KPNB1: variants seen among roughly 807,000 people sequenced by gnomAD.
KPNB1 encodes importin subunit beta-1.
A neutral mutation model predicts 113.0 loss-of-function variants in KPNB1; 7 were observed. The ratio of observed to expected loss-of-function variants is 0.06; its 90% CI spans 0.04 to 0.12. The LOEUF (loss-of-function observed/expected upper bound fraction) is 0.12. Ranked by LOEUF, KPNB1 falls within the 10% of genes least tolerant of loss-of-function variation. KPNB1 has a pLI of 1.00. For missense variants in KPNB1, 400 were observed against 1,054.8 expected (o/e 0.38, Z 8.60); for synonymous variants, 363 against 378.6 (o/e 0.96, Z 0.48).
At chr17:47,663,677 A>G (rs1306052196) in intron 7 of KPNB1, among the ~76,000 whole-genome samples, 1 of 151,560 alleles carries the variant, frequency 6.6e-6, no homozygotes, top group Admixed American at 6.6e-5. Flanking sequence ...AAGAAAAAAG[A>G]AACAACCTGC....
rs139104799 is a variant in KPNB1 at position 47,655,281 on chromosome 17, C to A, written c.283-1579C>A. Among the ~76,000 whole-genome samples, 388 of 152,260 alleles carry A rather than the reference C, an allele frequency of 2.5e-3. 1 individual carries two copies. The highest frequency in any genetic ancestry group is 9.1e-3 in the African/African-American group (377 of 41,538). ...GCTTCATCTTTTATCATACCTGTGC[C>A]TTTACTCTTTACATAAATGGTGGCG... On this transcript the variant is annotated intron_variant, in intron 3 of 21. Transcript: ENST00000290158.
intron 11 of KPNB1, 64 bp downstream of exon 11, chr17:47,669,933 G>A: frequency 4.1e-6 from 5 of 1,206,858 alleles, no homozygotes; most frequent in Non-Finnish European, 6.0e-6. Flanking sequence ...AAAGTAGAAG[G>A]TGTGGGAGAG....
intron 19 of KPNB1, 40 bp downstream of exon 19, chr17:47,678,453 T>C (rs2030676088): frequency 4.2e-6 from 6 of 1,420,412 alleles, no homozygotes; most frequent in Admixed American, 1.7e-5. Context: ...CGCTCGCCAA[T>C]GTGCACTTAG....
intron 12 of KPNB1, among the ~76,000 whole-genome samples, chr17:47,671,279 AT>A (rs2030437443): frequency 6.6e-6 from 1 of 152,106 alleles, no homozygotes; most frequent in South Asian, 2.1e-4. Context: ...TCCATGATTG[AT>A]TGATTGGTTT....
In KPNB1 at chr17:47,658,678, A is replaced by G. The variant is rs1441801654; in HGVS notation, c.636+18A>G. 11 of 1,608,226 alleles carry G rather than the reference A, an allele frequency of 6.8e-6. No individual in the cohort carries two copies. The highest frequency in any genetic ancestry group is 1.7e-4 in the Middle Eastern group (1 of 6,044). On this transcript the variant is annotated intron_variant, in intron 5 of 21. Transcript: ENST00000290158. ...ATAAAGAGGTAAGTTTTTTGACAAT[A>G]AGGTATAGATTCAGACAGTAAGGGA...
chr17:47,665,536 G>A lies in KPNB1; in HGVS notation c.999+378G>A, dbSNP rs558846134. ...GTTGTAATATCCAGGATACTTTCGT[G>A]AGTTCACAGGGTGTATGTTTTTAAA... is the stretch of plus-strand genomic sequence containing the variant. On this transcript the variant is annotated intron_variant, in intron 9 of 21. Transcript: ENST00000290158. Among the ~76,000 whole-genome samples the A allele has an allele frequency of 2.9e-4, 44 of 152,344 alleles. 1 individual carries two copies. In the South Asian group the frequency reaches 8.5e-3, roughly 29 times the overall value.
intron 3 of KPNB1, among the ~76,000 whole-genome samples, chr17:47,653,629 C>T (rs1254597929): frequency 6.6e-6 from 1 of 152,182 alleles, no homozygotes; most frequent in Non-Finnish European, 1.5e-5. Flanking sequence ...GTGCAGTCAT[C>T]ATTTTGTCCT....
chr17:47,672,958 C>A, intron 12 of KPNB1, 60 bp from the exon 13 acceptor site: 1 of 1,517,172 alleles, frequency 6.6e-7, no homozygotes, highest in Non-Finnish European at 8.9e-7. Context: ...AAGACATTGT[C>A]TATGTTCTTC....
intron 2 of KPNB1, 38 bp downstream of exon 2, chr17:47,650,482 C>G: frequency 1.3e-6 from 2 of 1,579,262 alleles, no homozygotes; most frequent in Non-Finnish European, 1.7e-6. Flanking sequence ...CGCCGCGTCC[C>G]CATCCCCTGC....
chr17:47,680,387 C>A, intron 20 of KPNB1, 121 bp from the exon 21 acceptor site: 1 of 1,170,538 alleles, frequency 8.5e-7, no homozygotes, highest in Non-Finnish European at 1.2e-6. Flanking sequence ...GTGACCTCTA[C>A]TGAGGGTTTT....
At chr17:47,681,053 T>G (rs867004954) in intron 21 of KPNB1, among the ~76,000 whole-genome samples, 25 of 125,514 alleles carry the variant, frequency 2.0e-4, no homozygotes, top group Middle Eastern at 8.0e-3. Context: ...TCAAATGTTT[T>G]TTTGTGTGTG....
chr17:47,671,619 ACCT>A (rs2143151786), intron 12 of KPNB1: 1 of 151,816 alleles, frequency 6.6e-6, no homozygotes, highest in Non-Finnish European at 1.5e-5. Context: ...GCTCACTGCA[ACCT>A]CCTCAAGCGA....
At position 47,680,495 on chromosome 17, in the gene KPNB1, T is replaced by G. The variant is rs776750169; in HGVS notation, c.2469-13T>G. The G allele has an allele frequency of 7.4e-6, 12 of 1,613,724 alleles. No individual in the cohort carries two copies. The East Asian group carries it at 2.2e-4, about 30-fold the overall frequency. ...GCTAGGAGCTCATTCTCAGCTGTGT[T>G]TGTTTTGCACAGGGACTTATGTACA... is the stretch of plus-strand genomic sequence containing the variant. On this transcript the variant is annotated splice_polypyrimidine_tract_variant and intron_variant, in intron 20 of 21. Transcript: ENST00000290158.
intron 13 of KPNB1, 149 bp downstream of exon 13, chr17:47,673,314 C>G: frequency 1.1e-6 from 1 of 940,550 alleles, no homozygotes; most frequent in Admixed American, 2.6e-5. Context: ...AACATTGCAC[C>G]TTAACGTTAG....
intron 2 of KPNB1, 109 bp downstream of exon 2, chr17:47,650,553 C>T (rs1401871237): frequency 4.9e-6 from 4 of 812,500 alleles, no homozygotes; most frequent in Admixed American, 2.2e-5. Flanking sequence ...CGCCCCATCC[C>T]GTCCCCCTCC....
intron 3 of KPNB1, among the ~76,000 whole-genome samples, chr17:47,654,699 A>G (rs1915672544): frequency 2.0e-5 from 3 of 152,300 alleles, no homozygotes; most frequent in South Asian, 2.1e-4. Flanking sequence ...TTTCTAAATC[A>G]CCTCAAGTAA....
At chr17:47,675,051 T>C (rs1480022223) in intron 15 of KPNB1, among the ~76,000 whole-genome samples, 1 of 152,090 alleles carries the variant, frequency 6.6e-6, no homozygotes, top group Non-Finnish European at 1.5e-5. Flanking sequence ...AACTCCTGAG[T>C]CAAGTGATCC....
intron 9 of KPNB1, among the ~76,000 whole-genome samples, chr17:47,667,643 C>T (rs1432264325): frequency 1.3e-5 from 2 of 151,694 alleles, no homozygotes; most frequent in East Asian, 1.9e-4. Context: ...CTGCAACCTC[C>T]GCCTTCCAGG....
chr17:47,654,661 T>C (rs925059296), intron 3 of KPNB1, among the ~76,000 whole-genome samples: 3 of 152,184 alleles, frequency 2.0e-5, no homozygotes, highest in Admixed American at 2.0e-4. Flanking sequence ...CAGAAAACTT[T>C]TAGTACTCAG....
Sources: allele counts gnomAD v4.1 joint callset (sites outside exome capture counted in the v4.1 genomes callset), GRCh38; gene constraint gnomAD v4.1.1; transcripts MANE v1.5; gene names NCBI Gene and HGNC (gene_info 2026-07-23, HGNC 2026-07-21).